The following GFRA1 variants were observed in gnomAD, a reference collection of about 807,000 sequenced individuals.
GFRA1 encodes the protein GDNF family receptor alpha 1.
In GFRA1, 16 loss-of-function variants were observed where a neutral mutation model predicts 51.6. That is an observed-to-expected ratio of 0.31 (90% CI 0.21 to 0.47). GFRA1 has a LOEUF of 0.47. GFRA1 is among the 20% of genes least tolerant of loss of function. GFRA1 has a pLI of 1.00. For missense variants in GFRA1, 530 were observed against 594.3 expected (o/e 0.89, Z 1.13); for synonymous variants, 270 against 241.3 (o/e 1.12, Z -1.10).
chr10:116,193,293 T>C (rs1963435227), intron 5 of GFRA1, among the ~76,000 whole-genome samples: 2 of 152,118 alleles, frequency 1.3e-5, no homozygotes, highest in African/African-American at 4.8e-5. Flanking sequence ...CTATTAAAGT[T>C]TGGGGAGGGA....
At chr10:116,084,555 G>T (rs554552474) in intron 9 of GFRA1, among the ~76,000 whole-genome samples, 1 of 152,340 alleles carries the variant, frequency 6.6e-6, no homozygotes, top group Admixed American at 6.5e-5. Flanking sequence ...GCTGAAGGAA[G>T]GCAGAGGCAG....
chr10:116,151,049 T>C (rs886773036), intron 5 of GFRA1, among the ~76,000 whole-genome samples: 1 of 152,070 alleles, frequency 6.6e-6, no homozygotes, highest in Non-Finnish European at 1.5e-5. Context: ...GAACATCCCC[T>C]GGGAGTCCTT....
chr10:116,159,669 C>T (rs1170345880), intron 5 of GFRA1, among the ~76,000 whole-genome samples: 1 of 152,178 alleles, frequency 6.6e-6, no homozygotes, highest in Non-Finnish European at 1.5e-5. Flanking sequence ...CCCTGCACTG[C>T]TTTTGTTAGG....
intron 8 of GFRA1, among the ~76,000 whole-genome samples, chr10:116,090,949 T>G (rs537041222): frequency 1.5e-4 from 23 of 152,306 alleles, no homozygotes; most frequent in Non-Finnish European, 2.9e-4. Flanking sequence ...TTTACATTTT[T>G]GGGGGCTGTA....
At chr10:116,162,226 C>T (rs1959891498) in intron 5 of GFRA1, among the ~76,000 whole-genome samples, 1 of 152,170 alleles carries the variant, frequency 6.6e-6, no homozygotes, top group Admixed American at 6.5e-5. Context: ...TGATTTGACC[C>T]ATATCATGGA....
At chr10:116,147,763 C>G (rs1244711126) in intron 5 of GFRA1, among the ~76,000 whole-genome samples, 2 of 152,044 alleles carry the variant, frequency 1.3e-5, no homozygotes, top group African/African-American at 4.8e-5. Context: ...CTGGAGACAA[C>G]AGAAGAGGCA....
At chr10:116,194,041 T>TAAATA (rs1963508352) in intron 5 of GFRA1, among the ~76,000 whole-genome samples, 20 of 46,666 alleles carry the variant, frequency 4.3e-4, no homozygotes, top group African/African-American at 2.1e-3. Flanking sequence ...TCCGTCTCAA[T>TAAATA]AAAAAAAAAT....
chr10:116,137,754 G>C (rs142843447), intron 5 of GFRA1, among the ~76,000 whole-genome samples: 217 of 152,314 alleles, frequency 1.4e-3, no homozygotes, highest in African/African-American at 5.0e-3. Context: ...GACCAAGGAA[G>C]AAGAAATGTC....
chr10:116,246,664 A>G (rs1255236131), intron 4 of GFRA1, among the ~76,000 whole-genome samples: 1 of 152,236 alleles, frequency 6.6e-6, no homozygotes, highest in Non-Finnish European at 1.5e-5. Context: ...TAAGCAAAGA[A>G]ACAGGTTATT....
intron 5 of GFRA1, among the ~76,000 whole-genome samples, chr10:116,173,430 G>A (rs1961240235): frequency 6.6e-6 from 1 of 152,138 alleles, no homozygotes. Flanking sequence ...ACCTGCCAAG[G>A]GGGCTGAGGC....
intron 5 of GFRA1, among the ~76,000 whole-genome samples, chr10:116,192,657 C>G (rs530950017): frequency 6.6e-6 from 1 of 152,326 alleles, no homozygotes; most frequent in East Asian, 1.9e-4. Context: ...TGACCAGCTC[C>G]TGCCCATCTG....
intron 5 of GFRA1, among the ~76,000 whole-genome samples, chr10:116,149,640 C>A (rs1475067975): frequency 6.6e-6 from 1 of 152,204 alleles, no homozygotes; most frequent in East Asian, 1.9e-4. Flanking sequence ...ACCTGCCTGT[C>A]TACCTAATGG....
intron 6 of GFRA1, among the ~76,000 whole-genome samples, chr10:116,107,368 C>T (rs1957045480): frequency 1.3e-5 from 2 of 152,138 alleles, no homozygotes; most frequent in Admixed American, 1.3e-4. Flanking sequence ...GGATGAATTC[C>T]CTTAGAATTC....
chr10:116,089,973 A>C (rs576243166), intron 8 of GFRA1, 51 bp from the exon 9 acceptor site: 1 of 1,508,420 alleles, frequency 6.6e-7, no homozygotes, highest in Admixed American at 1.9e-5. Context: ...AGCAAACGTA[A>C]CAGACAGGAT....
chr10:116,245,966 C>A (rs1350666644), intron 4 of GFRA1, among the ~76,000 whole-genome samples: 1 of 152,112 alleles, frequency 6.6e-6, no homozygotes, highest in Admixed American at 6.5e-5. Context: ...GGTTTTAGGG[C>A]AGTGACACTC....
chr10:116,162,379 T>C (rs558789024), intron 5 of GFRA1, among the ~76,000 whole-genome samples: 4 of 152,200 alleles, frequency 2.6e-5, no homozygotes, highest in Admixed American at 6.5e-5. Flanking sequence ...AAAGCCATGT[T>C]AATGGTGGTC....
At chr10:116,162,047 T>G (rs1959863828) in intron 5 of GFRA1, among the ~76,000 whole-genome samples, 2 of 152,238 alleles carry the variant, frequency 1.3e-5, no homozygotes, top group Admixed American at 1.3e-4. Context: ...ATTTGCCAGC[T>G]CTTATTCAAG....
At chr10:116,125,604 T>C in intron 5 of GFRA1, 47 bp from the exon 6 acceptor site, 1 of 1,406,106 alleles carries the variant, frequency 7.1e-7, no homozygotes, top group South Asian at 1.2e-5. Context: ...CTCGGCTCTG[T>C]GTTCTCACCT....
chr10:116,186,760 A>G (rs995976188), intron 5 of GFRA1, among the ~76,000 whole-genome samples: 8 of 152,188 alleles, frequency 5.3e-5, no homozygotes, highest in African/African-American at 1.9e-4. Flanking sequence ...CATAAAAGAA[A>G]TAAGATTCTC....
Sources: gnomAD v4.1 joint callset for allele counts (sites outside exome capture counted in the v4.1 genomes callset) on GRCh38, gnomAD v4.1.1 for gene constraint, MANE v1.5 for transcripts, NCBI Gene and HGNC (gene_info 2026-07-23, HGNC 2026-07-21) for gene names.